The following DPP10 variants were observed in gnomAD, a reference collection of about 807,000 sequenced individuals.
DPP10 encodes dipeptidyl peptidase like 10.
DPP10 carries 33 observed loss-of-function variants against 120.9 expected under a neutral mutation model. That is an observed-to-expected ratio of 0.27 (90% confidence interval 0.21 to 0.37). DPP10 has a LOEUF of 0.37. DPP10 is among the 10% of genes least tolerant of loss of function. The probability of loss-of-function intolerance (pLI) is 1.00; values close to 1 mark genes in which losing one functional copy is unlikely to be tolerated. For synonymous variants in DPP10, 337 were observed against 326.1 expected, an observed-to-expected ratio of 1.03 and a Z score of -0.36; for missense variants, 816 against 942.8, an observed-to-expected ratio of 0.87 and a Z score of 1.76.
At chr2:114,745,007 A>G (rs919850021) in intron 1 of DPP10, among the ~76,000 whole-genome samples, 2 of 151,948 alleles carry the variant, frequency 1.3e-5, no homozygotes, top group African/African-American at 4.8e-5. Context: ...TGATCTGCCC[A>G]TTTTGGCCTC....
chr2:115,016,753 T>G (rs1558996064), intron 1 of DPP10, among the ~76,000 whole-genome samples: 1 of 151,284 alleles, frequency 6.6e-6, no homozygotes. Flanking sequence ...CACGAAAAAA[T>G]GCATGTATGT....
At chr2:115,590,756 A>G (rs985129147) in intron 5 of DPP10, among the ~76,000 whole-genome samples, 2 of 152,214 alleles carry the variant, frequency 1.3e-5, no homozygotes, top group Non-Finnish European at 2.9e-5. Flanking sequence ...GTCTTCCGCA[A>G]TGGTTGAATT....
chr2:114,567,126 A>G (rs1689264936), intron 1 of DPP10, among the ~76,000 whole-genome samples: 1 of 152,174 alleles, frequency 6.6e-6, no homozygotes, highest in Admixed American at 6.5e-5. Context: ...GGCTGAGATC[A>G]CTAAATGAAT....
At chr2:115,309,380 G>T in intron 2 of DPP10, 27 bp downstream of exon 2, 1 of 1,595,216 alleles carries the variant, frequency 6.3e-7, no homozygotes, top group South Asian at 1.1e-5. Flanking sequence ...CCTCTCTTAT[G>T]ATGGATGGTA....
In DPP10 at chr2:114,779,428, C is replaced by T. The variant is rs79929359; in HGVS notation, c.60+336590C>T. On this transcript the variant is annotated intron_variant, in intron 1 of 25. Transcript: ENST00000410059. Reference sequence around the variant, plus strand: ...AGAGCTACCCAAGGTCCTAAACCACCTCTGATCAAAGTTATCTCATATCTA... The same window carrying T: ...AGAGCTACCCAAGGTCCTAAACCACTTCTGATCAAAGTTATCTCATATCTA... Among the ~76,000 whole-genome samples the T allele has an allele frequency of 4.4e-3, 664 of 152,192 alleles. 5 individuals carry two copies. The highest frequency in any genetic ancestry group is 0.015 in the African/African-American group (637 of 41,540).
chr2:115,829,257 AAT>A (rs1358802016), intron 21 of DPP10, among the ~76,000 whole-genome samples: 1 of 152,142 alleles, frequency 6.6e-6, no homozygotes, highest in Non-Finnish European at 1.5e-5. Context: ...TATAGTTTCA[AAT>A]AGCTAGCCAG....
intron 1 of DPP10, among the ~76,000 whole-genome samples, chr2:115,020,215 GCAGAATGGATAAGAATT>G: frequency 6.6e-6 from 1 of 152,210 alleles, no homozygotes; most frequent in Middle Eastern, 3.4e-3. Flanking sequence ...ATACAGAATG[GCAGAATGGATAAGAATT>G]CAGCAAACAA....
intron 8 of DPP10, among the ~76,000 whole-genome samples, chr2:115,737,598 A>G (rs1441097481): frequency 6.6e-6 from 1 of 152,144 alleles, no homozygotes; most frequent in African/African-American, 2.4e-5. Context: ...TGGAGTCACA[A>G]GGTTCAGGAC....
intron 1 of DPP10, among the ~76,000 whole-genome samples, chr2:115,220,874 T>C (rs1328006018): frequency 3.3e-5 from 5 of 151,050 alleles, no homozygotes; most frequent in Non-Finnish European, 5.9e-5. Context: ...TTGCTCTCTA[T>C]TTCATATGTA....
intron 1 of DPP10, among the ~76,000 whole-genome samples, chr2:114,977,355 A>G (rs1478176387): frequency 6.6e-6 from 1 of 152,120 alleles, no homozygotes; most frequent in Non-Finnish European, 1.5e-5. Flanking sequence ...AATGTAAGTG[A>G]ATGAATTCTT....
intron 1 of DPP10, among the ~76,000 whole-genome samples, chr2:114,978,058 A>C (rs546016452): frequency 6.6e-6 from 1 of 152,318 alleles, no homozygotes; most frequent in East Asian, 1.9e-4. Flanking sequence ...AAAGAAAAGA[A>C]GTACAAGTGA....
rs1324700671 is a variant in DPP10 at position 115,070,611 on chromosome 2, C to G, written c.61-238628C>G. Among the ~76,000 whole-genome samples, 11 of 152,130 alleles carry G rather than the reference C, an allele frequency of 7.2e-5. No homozygotes were observed. In the East Asian group the frequency reaches 1.9e-3, roughly 27 times the overall value. The stretch of plus-strand genomic sequence containing the variant: ...ATTGGCATGCTAACCTAACAATTAC[C>G]ATAGTATTGACTATCAAACAGCCAT... On this transcript the variant is annotated intron_variant, in intron 1 of 25. Coordinates refer to ENST00000410059, the MANE Select transcript of DPP10 (RefSeq NM_020868.6).
At chr2:115,364,084 C>T (rs1036417447) in intron 3 of DPP10, among the ~76,000 whole-genome samples, 4 of 151,626 alleles carry the variant, frequency 2.6e-5, no homozygotes, top group Non-Finnish European at 5.9e-5. Flanking sequence ...TAAAATATTT[C>T]ATGGAATTAT....
At chr2:115,791,726 C>T (rs1684014315) in intron 19 of DPP10, among the ~76,000 whole-genome samples, 1 of 152,154 alleles carries the variant, frequency 6.6e-6, no homozygotes, top group Non-Finnish European at 1.5e-5. Flanking sequence ...TTGTATCACT[C>T]CTATTGATTT....
chr2:114,789,537 C>G (rs1683067586), intron 1 of DPP10, among the ~76,000 whole-genome samples: 1 of 152,074 alleles, frequency 6.6e-6, no homozygotes, highest in African/African-American at 2.4e-5. Context: ...AAGATACACC[C>G]CAGGCCTGCT....
chr2:115,495,078 T>G (rs1390151147), intron 3 of DPP10, among the ~76,000 whole-genome samples: 1 of 152,082 alleles, frequency 6.6e-6, no homozygotes, highest in Non-Finnish European at 1.5e-5. Flanking sequence ...AAAGCTGAGT[T>G]TATTACCTAT....
chr2:114,784,674 C>A (rs1682621337), intron 1 of DPP10, among the ~76,000 whole-genome samples: 1 of 152,082 alleles, frequency 6.6e-6, no homozygotes, highest in African/African-American at 2.4e-5. Flanking sequence ...TCAGGGAACT[C>A]CACACAGGCA....
chr2:114,796,197 G>GAATA (rs1683694717), intron 1 of DPP10, among the ~76,000 whole-genome samples: 4 of 152,056 alleles, frequency 2.6e-5, no homozygotes, highest in Admixed American at 1.3e-4. Context: ...AACACCATGA[G>GAATA]ACCCATGCAA....
chr2:115,121,229 T>G (rs1237629776), intron 1 of DPP10, among the ~76,000 whole-genome samples: 4 of 152,334 alleles, frequency 2.6e-5, no homozygotes, highest in South Asian at 2.1e-4. Flanking sequence ...CATTACCTGG[T>G]ACTTATGTAA....
Sources: gnomAD v4.1 joint callset for allele counts (sites outside exome capture counted in the v4.1 genomes callset) on GRCh38, gnomAD v4.1.1 for gene constraint, MANE v1.5 for transcripts, NCBI Gene and HGNC (gene_info 2026-07-23, HGNC 2026-07-21) for gene names.